Variants in CDH23 observed in about 807,000 individuals in gnomAD.
CDH23 encodes cadherin-23.
In CDH23, 189 loss-of-function variants were observed where a neutral mutation model predicts 317.1. That is an observed-to-expected ratio of 0.60 (90% confidence interval 0.53 to 0.67). CDH23 has a LOEUF of 0.67. CDH23 is among the 30% of genes least tolerant of loss of function. The pLI, the probability that CDH23 is intolerant of heterozygous loss-of-function variation, is 0.00. For missense variants in CDH23, 4,401 were observed against 4,592.4 expected (o/e 0.96, Z 1.20); for synonymous variants, 1,839 against 1,876.8 (o/e 0.98, Z 0.52).
intron 38 of CDH23, among the ~76,000 whole-genome samples, chr10:71,773,879 C>T (rs1840753051): frequency 6.6e-6 from 1 of 152,162 alleles, no homozygotes; most frequent in Non-Finnish European, 1.5e-5. Flanking sequence ...GAGACTTGTA[C>T]CCTACATCCT....
At chr10:71,756,432 T>A (rs1305367344) in intron 38 of CDH23, among the ~76,000 whole-genome samples, 2 of 152,210 alleles carry the variant, frequency 1.3e-5, no homozygotes, top group East Asian at 3.8e-4. Context: ...GTTGTTTCCA[T>A]TTTCAGCATA....
At chr10:71,491,138 C>T (rs1388854474) in intron 3 of CDH23, among the ~76,000 whole-genome samples, 3 of 152,186 alleles carry the variant, frequency 2.0e-5, no homozygotes, top group Non-Finnish European at 2.9e-5. Context: ...GCTGGGAGCT[C>T]CTCGCGTCAT....
intron 2 of CDH23, among the ~76,000 whole-genome samples, chr10:71,440,778 G>C (rs1485570038): frequency 6.6e-6 from 1 of 152,192 alleles, no homozygotes; most frequent in African/African-American, 2.4e-5. Flanking sequence ...AGGCATGCCT[G>C]ATGTGGCATC....
At chr10:71,788,886 TG>T in intron 44 of CDH23, 53 bp from the exon 45 acceptor site, 2 of 894,300 alleles carry the variant, frequency 2.2e-6, no homozygotes, top group East Asian at 2.4e-5. Flanking sequence ...CCCACCTAGG[TG>T]GGGGCACTTT....
Position 71,709,183 on chromosome 10 carries a change from C to T in CDH23, c.3192C>T (p.Ala1064=), listed in dbSNP as rs767119185. Reference sequence around the variant, plus strand: ...TGGGCCTGGACCGGGAGACCACAGCCGCCTACATGCTCATCCTGGAGGCCA... The same window carrying T: ...TGGGCCTGGACCGGGAGACCACAGCTGCCTACATGCTCATCCTGGAGGCCA... ...TVVGLDRETT[A]AYMLILEAID... The change falls in exon 27 of 70, where the codon GCC becomes GCT. Residue 1064 remains alanine (A), a synonymous_variant. Transcript: ENST00000224721. The T allele has an allele frequency of 2.5e-5, 41 of 1,613,972 alleles. No individual in the cohort carries two copies. In the Middle Eastern group the frequency reaches 8.3e-4, roughly 33 times the overall value.
intron 17 of CDH23, 61 bp downstream of exon 17, chr10:71,679,553 C>A: frequency 1.6e-6 from 2 of 1,274,010 alleles, no homozygotes; most frequent in Non-Finnish European, 2.2e-6. Flanking sequence ...TCTCTGCACT[C>A]ACACCTCCCT....
intron 6 of CDH23, among the ~76,000 whole-genome samples, chr10:71,562,518 G>T (rs1792668409): frequency 6.6e-6 from 1 of 152,216 alleles, no homozygotes; most frequent in Non-Finnish European, 1.5e-5. Context: ...TAAAGAGGTA[G>T]AGTCCCATCA....
At position 71,505,227 on chromosome 10, in the gene CDH23, C is replaced by T. The variant is rs115054276; in HGVS notation, c.146-4855C>T. 3.4e-3 allele frequency among the ~76,000 whole-genome samples: 524 copies of T among 152,278 alleles called. 2 individuals are homozygous for T. Among genetic ancestry groups the T allele is most frequent in the African/African-American group, 0.012 (512 of 41,564 alleles). On this transcript the variant is annotated intron_variant, in intron 3 of 69. Coordinates refer to ENST00000224721, the MANE Select transcript of CDH23 (RefSeq NM_022124.6). ...TGTCAACCAAGTTGCCAGTGTAGAACACGGACCTCTGAGTTATGCTCTTGA... is the reference window on the plus strand; with the variant it reads ...TGTCAACCAAGTTGCCAGTGTAGAATACGGACCTCTGAGTTATGCTCTTGA...
At chr10:71,574,900 A>G (rs7923297) in intron 8 of CDH23, among the ~76,000 whole-genome samples, 19 of 152,002 alleles carry the variant, frequency 1.2e-4, no homozygotes, top group African/African-American at 4.1e-4. Context: ...GGGGTCCCCC[A>G]GGCACACCCC....
chr10:71,793,519 G>A lies in CDH23; in HGVS notation c.6591G>A (p.Thr2197=), dbSNP rs376105044. ...AEPGTVIANI[T]AIDHDLNPKL... ...CAGGCACTGTCATTGCCAATATCAC[G>A]GCCATTGACCACGACCTCAACCCAA... is the stretch of plus-strand genomic sequence containing the variant. Residue 2197 remains threonine (T), a synonymous_variant, in exon 48 of 70, where the codon ACG becomes ACA. Coordinates refer to ENST00000224721, the MANE Select transcript of CDH23 (RefSeq NM_022124.6). 1.3e-4 allele frequency: 216 copies of A among 1,613,812 alleles called. No individual in the cohort carries two copies. In the African/African-American group the frequency reaches 2.5e-3, roughly 19 times the overall value.
intron 38 of CDH23, among the ~76,000 whole-genome samples, chr10:71,766,736 CAG>C (rs1278215623): frequency 6.6e-6 from 1 of 152,144 alleles, no homozygotes; most frequent in Non-Finnish European, 1.5e-5. Context: ...GAAACAGACT[CAG>C]AGAAGTGACT....
intron 6 of CDH23, among the ~76,000 whole-genome samples, chr10:71,545,260 C>T (rs1856208363): frequency 6.6e-6 from 1 of 152,166 alleles, no homozygotes; most frequent in African/African-American, 2.4e-5. Flanking sequence ...CAGGCCACGG[C>T]AGGGGAGGGG....
At position 71,805,846 on chromosome 10, in the gene CDH23, C is replaced by T. The variant is rs756948678; in HGVS notation, c.7913C>T (p.Thr2638Met). The change falls in exon 56 of 70, where the codon ACG becomes ATG. Residue 2638 changes from threonine (T) to methionine (M), a missense_variant. This residue lies in a region of CDH23 where 1,144 missense variants were observed against 1,138.2 expected (regional missense o/e 1.01). Coordinates refer to ENST00000224721, the MANE Select transcript of CDH23 (RefSeq NM_022124.6). ...TCCAACGTGTACGAGGTCTACGCCA[C>T]GGACAAGGATGAGGGCCTCAACGGG... ...LRSNVYEVYATDKDEGLNGAV... is the reference protein window; with the variant it reads ...LRSNVYEVYAMDKDEGLNGAV... The T allele has an allele frequency of 4.3e-6, 7 of 1,613,682 alleles. No individual in the cohort carries two copies. The highest frequency in any genetic ancestry group is 2.2e-5 in the East Asian group (1 of 44,896).
intron 38 of CDH23, among the ~76,000 whole-genome samples, chr10:71,768,327 C>T (rs1363920484): frequency 6.6e-6 from 1 of 152,178 alleles, no homozygotes; most frequent in Non-Finnish European, 1.5e-5. Context: ...CCCGCCACCA[C>T]GCCTGGCTAA....
At chr10:71,414,776 T>A (rs1354366428) in intron 1 of CDH23, among the ~76,000 whole-genome samples, 1 of 152,230 alleles carries the variant, frequency 6.6e-6, no homozygotes, top group Admixed American at 6.5e-5. Context: ...AAGATTTGTG[T>A]TATTTTTATC....
chr10:71,493,915 A>G (rs866670138), intron 3 of CDH23, among the ~76,000 whole-genome samples: 3 of 152,194 alleles, frequency 2.0e-5, no homozygotes, highest in African/African-American at 2.4e-5. Context: ...GCCTTCTTAT[A>G]TAGGGATGAC....
At chr10:71,444,128 C>CCAGCAGGGAT (rs1850041018) in intron 2 of CDH23, among the ~76,000 whole-genome samples, 1 of 152,256 alleles carries the variant, frequency 6.6e-6, no homozygotes, top group South Asian at 2.1e-4. Flanking sequence ...CCCAAGGCCC[C>CCAGCAGGGAT]CAGCAGGGAT....
intron 1 of CDH23, among the ~76,000 whole-genome samples, chr10:71,417,976 C>T (rs1192477606): frequency 6.6e-6 from 1 of 152,232 alleles, no homozygotes; most frequent in African/African-American, 2.4e-5. Flanking sequence ...ATCTAATTCA[C>T]TGTTAAACCC....
chr10:71,538,167 G>A (rs1357544229), intron 6 of CDH23, among the ~76,000 whole-genome samples: 2 of 152,164 alleles, frequency 1.3e-5, no homozygotes, highest in African/African-American at 4.8e-5. Context: ...CCATGGTCAC[G>A]TTGCTCAGGA....
Sources: gnomAD v4.1 joint callset for allele counts (sites outside exome capture counted in the v4.1 genomes callset) on GRCh38, gnomAD v4.1.1 for gene constraint, gnomAD v4.1.1 regional missense constraint, MANE v1.5 for transcripts, NCBI Gene and HGNC (gene_info 2026-07-23, HGNC 2026-07-21) for gene names.